Variants in PAPSS2 observed in about 807,000 individuals in gnomAD.
The protein encoded by PAPSS2 is bifunctional 3'-phosphoadenosine 5'-phosphosulfate synthase 2.
Under a neutral mutation model 66.5 loss-of-function variants are expected in PAPSS2, and 61 were observed. The observed-to-expected ratio is 0.92, with a 90% CI of 0.75 to 1.14. The LOEUF (loss-of-function observed/expected upper bound fraction) is 1.14. Among genes scored for constraint, PAPSS2 ranks in the 50% most tolerant of loss-of-function variants. The probability of loss-of-function intolerance (pLI) is 0.00; values close to 1 mark genes in which losing one functional copy is unlikely to be tolerated. For synonymous variants in PAPSS2, 289 were observed against 287.5 expected (o/e 1.01, Z -0.05); for missense variants, 708 against 789.6 (o/e 0.90, Z 1.24).
intron 2 of PAPSS2, among the ~76,000 whole-genome samples, chr10:87,711,787 G>A (rs1186417531): frequency 6.6e-6 from 1 of 151,842 alleles, no homozygotes; most frequent in African/African-American, 2.4e-5. Context: ...CTTCATTCCT[G>A]CTTTTTCTGC....
chr10:87,664,679 A>G (rs1035710839), intron 1 of PAPSS2, among the ~76,000 whole-genome samples: 10 of 152,178 alleles, frequency 6.6e-5, no homozygotes, highest in African/African-American at 2.4e-4. Flanking sequence ...GAGTCTGGGA[A>G]AGGCATCAAT....
chr10:87,666,476 G>A (rs1852817654), intron 1 of PAPSS2, among the ~76,000 whole-genome samples: 1 of 151,976 alleles, frequency 6.6e-6, no homozygotes, highest in Admixed American at 6.6e-5. Flanking sequence ...ACTCTAGTCA[G>A]ATAGCTAGTC....
chr10:87,680,627 T>C (rs1307350551), intron 1 of PAPSS2, among the ~76,000 whole-genome samples: 2 of 152,142 alleles, frequency 1.3e-5, no homozygotes, highest in Admixed American at 6.5e-5. Flanking sequence ...CAGAAAAATA[T>C]ATAAATTTTC....
chr10:87,724,545 C>G (rs1370674177), intron 8 of PAPSS2, among the ~76,000 whole-genome samples: 1 of 150,608 alleles, frequency 6.6e-6, no homozygotes, highest in Non-Finnish European at 1.5e-5. Context: ...TACAGATATG[C>G]ATCTCTCTAT....
chr10:87,726,320 C>T (rs1853659023), intron 8 of PAPSS2, among the ~76,000 whole-genome samples: 1 of 152,192 alleles, frequency 6.6e-6, no homozygotes, highest in African/African-American at 2.4e-5. Context: ...ATCCCAGCTA[C>T]TCCGGAGGCT....
intron 1 of PAPSS2, among the ~76,000 whole-genome samples, chr10:87,671,033 C>T (rs1417816224): frequency 6.6e-6 from 1 of 152,190 alleles, no homozygotes; most frequent in Non-Finnish European, 1.5e-5. Flanking sequence ...TATCCCATCT[C>T]ATCCTCACAA....
chr10:87,694,185 G>A (rs544382737), intron 1 of PAPSS2, among the ~76,000 whole-genome samples: 26 of 152,314 alleles, frequency 1.7e-4, no homozygotes, highest in African/African-American at 6.0e-4. Flanking sequence ...CTTGCTCAAG[G>A]TTCTAGTGGA....
Position 87,731,381 on chromosome 10 carries a change from G to T in PAPSS2, c.1086+3892G>T, listed in dbSNP as rs368541377. ...ATTGACAGTGCACCTAGTTACCCAAGAACTCTGAGGAAGATGTATAAGGAG... is the reference window on the plus strand; with the variant it reads ...ATTGACAGTGCACCTAGTTACCCAATAACTCTGAGGAAGATGTATAAGGAG... On this transcript the variant is annotated intron_variant, in intron 9 of 12. Coordinates refer to ENST00000456849, the MANE Select transcript of PAPSS2 (RefSeq NM_001015880.2). Among the ~76,000 whole-genome samples the T allele has an allele frequency of 3.3e-5, 5 of 152,330 alleles. 1 individual carries two copies. The highest frequency in any genetic ancestry group is 1.2e-4 in the African/African-American group (5 of 41,570).
intron 1 of PAPSS2, among the ~76,000 whole-genome samples, chr10:87,702,431 A>G (rs1853329941): frequency 6.6e-6 from 1 of 152,216 alleles, no homozygotes; most frequent in Non-Finnish European, 1.5e-5. Flanking sequence ...GAGATAATGC[A>G]CGTGGAAGTG....
intron 9 of PAPSS2, among the ~76,000 whole-genome samples, chr10:87,731,947 T>C (rs913949354): frequency 6.6e-6 from 1 of 152,226 alleles, no homozygotes. Context: ...GATAAAGCAG[T>C]GGCAGCCTGT....
intron 8 of PAPSS2, among the ~76,000 whole-genome samples, chr10:87,722,947 T>C (rs1400280208): frequency 6.6e-6 from 1 of 152,138 alleles, no homozygotes; most frequent in African/African-American, 2.4e-5. Context: ...TCATTTCAGA[T>C]TTTCACTCAA....
At chr10:87,707,304 A>G (rs1589432482) in intron 1 of PAPSS2, among the ~76,000 whole-genome samples, 2 of 152,342 alleles carry the variant, frequency 1.3e-5, no homozygotes, top group South Asian at 2.1e-4. Flanking sequence ...TTTGACACTG[A>G]AAGGCCGGTA....
intron 1 of PAPSS2, chr10:87,661,148 A>C: frequency 2.5e-6 from 1 of 406,660 alleles, no homozygotes; most frequent in East Asian, 7.1e-5. Context: ...GTTTAAAAAA[A>C]AAAACAAAAT....
chr10:87,686,406 T>C (rs1262176090), intron 1 of PAPSS2, among the ~76,000 whole-genome samples: 1 of 151,050 alleles, frequency 6.6e-6, no homozygotes, highest in African/African-American at 2.4e-5. Context: ...GGTGCAGCTA[T>C]TTAGGAACAT....
At chr10:87,718,631 AT>A (rs35001014) in intron 7 of PAPSS2, among the ~76,000 whole-genome samples, 1 of 151,336 alleles carries the variant, frequency 6.6e-6, no homozygotes, top group East Asian at 2.0e-4. Context: ...TTGCTGTGTG[AT>A]TCTGTGGGTC....
chr10:87,738,405 CTG>C (rs765974929), intron 9 of PAPSS2, among the ~76,000 whole-genome samples: 1 of 148,034 alleles, frequency 6.8e-6, no homozygotes, highest in Admixed American at 6.7e-5. Context: ...TTTTTCTTTT[CTG>C]TGTGTGTGTA....
intron 9 of PAPSS2, among the ~76,000 whole-genome samples, chr10:87,740,905 A>C (rs1331779084): frequency 6.6e-6 from 1 of 152,230 alleles, no homozygotes; most frequent in Non-Finnish European, 1.5e-5. Flanking sequence ...AAAATGTTAT[A>C]TATGTTAACA....
chr10:87,678,294 C>T (rs150021180), intron 1 of PAPSS2, among the ~76,000 whole-genome samples: 6 of 151,862 alleles, frequency 4.0e-5, no homozygotes, highest in African/African-American at 1.2e-4. Context: ...AAAAATCAAC[C>T]GAAGATGGAT....
intron 4 of PAPSS2, 39 bp from the exon 5 acceptor site, chr10:87,714,706 C>T: frequency 1.8e-6 from 2 of 1,102,388 alleles, no homozygotes; most frequent in Non-Finnish European, 1.4e-6. Flanking sequence ...ATTATTCTGT[C>T]AATACAGATG....
Sources: gnomAD v4.1 joint callset for allele counts (sites outside exome capture counted in the v4.1 genomes callset) on GRCh38, gnomAD v4.1.1 for gene constraint, MANE v1.5 for transcripts, NCBI Gene and HGNC (gene_info 2026-07-23, HGNC 2026-07-21) for gene names.